The following LHFPL2 variants were observed in gnomAD, a reference collection of about 807,000 sequenced individuals.
LHFPL2 encodes LHFPL tetraspan subfamily member 2, also known as LHFPL tetraspan subfamily member 2 protein.
Under a neutral mutation model 17.5 loss-of-function variants are expected in LHFPL2, and 7 were observed. The ratio of observed to expected loss-of-function variants is 0.40; its 90% CI spans 0.23 to 0.75. The LOEUF is 0.75. Ranked by LOEUF, LHFPL2 falls within the 30% of genes least tolerant of loss-of-function variation. The pLI, the probability that LHFPL2 is intolerant of heterozygous loss-of-function variation, is 0.37. For missense variants in LHFPL2, 241 were observed against 294.8 expected (o/e 0.82, Z 1.34); for synonymous variants, 134 against 116.2 (o/e 1.15, Z -0.99).
intron 2 of LHFPL2, among the ~76,000 whole-genome samples, chr5:78,573,900 T>C (rs536263167): frequency 2.6e-4 from 40 of 152,342 alleles, no homozygotes; most frequent in African/African-American, 9.4e-4. Context: ...CTGTAATGTT[T>C]GAATTTTGTA....
At chr5:78,560,357 A>G (rs950844231) in intron 3 of LHFPL2, among the ~76,000 whole-genome samples, 2 of 152,258 alleles carry the variant, frequency 1.3e-5, no homozygotes, top group African/African-American at 4.8e-5. Context: ...CCTTGGCAAT[A>G]TATCTCCATA....
chr5:78,513,267 G>A (rs944363693), intron 3 of LHFPL2, among the ~76,000 whole-genome samples: 1 of 152,160 alleles, frequency 6.6e-6, no homozygotes, highest in Non-Finnish European at 1.5e-5. Flanking sequence ...GGACATCTGG[G>A]CTTAGCAAAA....
intron 3 of LHFPL2, among the ~76,000 whole-genome samples, chr5:78,559,364 G>A (rs1756663843): frequency 6.6e-6 from 1 of 152,138 alleles, no homozygotes; most frequent in South Asian, 2.1e-4. Context: ...ATTGCACTGG[G>A]CATCGAGGAT....
At chr5:78,628,137 A>T (rs1036138255) in intron 2 of LHFPL2, among the ~76,000 whole-genome samples, 3 of 152,104 alleles carry the variant, frequency 2.0e-5, no homozygotes, top group African/African-American at 7.2e-5. Context: ...ACCAGGAGAG[A>T]CGTGGACAGG....
At position 78,509,886 on chromosome 5, in the gene LHFPL2, T is replaced by C; in HGVS notation, c.328A>G (p.Ile110Val). The C allele has an allele frequency of 6.2e-7, 1 of 1,613,664 alleles. No homozygotes were observed. The highest frequency in any genetic ancestry group is 8.5e-7 in the Non-Finnish European group (1 of 1,180,024). Residue 110 changes from isoleucine to valine, a missense_variant, in exon 4 of 5, where the codon ATT becomes GTT. Physicochemically the swap from Ile to Val is conservative, Grantham distance 29. Coordinates refer to ENST00000380345, the MANE Select transcript of LHFPL2 (RefSeq NM_005779.3). ...TAIFLAVGIFILCMVALVSVF... is the reference protein window; with the variant it reads ...TAIFLAVGIFVLCMVALVSVF... Reference sequence around the variant, plus strand: ...GACACCAAGGCCACCATGCAGAGAATAAAGATTCCCACAGCCAGGAAAATA... The same window carrying C: ...GACACCAAGGCCACCATGCAGAGAACAAAGATTCCCACAGCCAGGAAAATA...
intron 4 of LHFPL2, among the ~76,000 whole-genome samples, chr5:78,505,021 C>T (rs185169759): frequency 2.2e-4 from 33 of 152,366 alleles, no homozygotes; most frequent in Non-Finnish European, 3.4e-4. Flanking sequence ...GGAATAGGCC[C>T]AGCCAGCACA....
At chr5:78,583,670 T>G (rs1186557218) in intron 2 of LHFPL2, among the ~76,000 whole-genome samples, 21 of 141,952 alleles carry the variant, frequency 1.5e-4, no homozygotes, top group East Asian at 1.1e-3. Flanking sequence ...TCTGATGGGC[T>G]TCCCTTTGAG....
chr5:78,489,598 A>G (rs1006979956), intron 4 of LHFPL2, among the ~76,000 whole-genome samples: 2 of 152,074 alleles, frequency 1.3e-5, no homozygotes, highest in Non-Finnish European at 2.9e-5. Context: ...AGGTCTTGCT[A>G]TGTTGCCCAG....
At chr5:78,525,716 A>C (rs1386035364) in intron 3 of LHFPL2, among the ~76,000 whole-genome samples, 4 of 152,244 alleles carry the variant, frequency 2.6e-5, no homozygotes, top group African/African-American at 9.6e-5. Context: ...AAAGAGGAAA[A>C]GGTAAAAGTG....
At chr5:78,504,269 G>C (rs1220797287) in intron 4 of LHFPL2, among the ~76,000 whole-genome samples, 1 of 152,154 alleles carries the variant, frequency 6.6e-6, no homozygotes, top group African/African-American at 2.4e-5. Context: ...AGGGTGTTCT[G>C]AAGGTGGGCA....
In LHFPL2 at chr5:78,488,886, T is replaced by C; in HGVS notation, c.*11A>G. On this transcript the variant is annotated 3_prime_UTR_variant, in exon 5 of 5. Coordinates refer to ENST00000380345, the MANE Select transcript of LHFPL2 (RefSeq NM_005779.3). ...TTACTCAAGGGAGAAAATGGCATTG[T>C]CTCTTCCAAACTAAAGGAGGCAGAT... 6 of 1,613,132 alleles carry C rather than the reference T, an allele frequency of 3.7e-6. No individual in the cohort carries two copies. Among genetic ancestry groups the C allele is most frequent in the Non-Finnish European group, 5.1e-6 (6 of 1,179,464 alleles).
At chr5:78,556,859 A>G (rs1756583712) in intron 3 of LHFPL2, among the ~76,000 whole-genome samples, 1 of 152,204 alleles carries the variant, frequency 6.6e-6, no homozygotes, top group Non-Finnish European at 1.5e-5. Flanking sequence ...GGTGACCCCT[A>G]AGGGAACTGA....
chr5:78,632,951 G>A (rs1241850357), intron 1 of LHFPL2, among the ~76,000 whole-genome samples: 1 of 152,156 alleles, frequency 6.6e-6, no homozygotes, highest in Non-Finnish European at 1.5e-5. Flanking sequence ...AGACGGGGGG[G>A]TCCTGGAAGC....
chr5:78,596,697 C>A (rs1264898144), intron 2 of LHFPL2, among the ~76,000 whole-genome samples: 2 of 152,132 alleles, frequency 1.3e-5, no homozygotes, highest in Non-Finnish European at 2.9e-5. Context: ...CGCCATGGTC[C>A]CAGAACCCAG....
intron 4 of LHFPL2, among the ~76,000 whole-genome samples, chr5:78,496,657 C>CATT (rs1754616943): frequency 6.6e-6 from 1 of 152,200 alleles, no homozygotes; most frequent in African/African-American, 2.4e-5. Flanking sequence ...GCTTAGACAG[C>CATT]ATTCCAGGCT....
At chr5:78,610,564 T>C (rs1744385879) in intron 2 of LHFPL2, among the ~76,000 whole-genome samples, 1 of 152,092 alleles carries the variant, frequency 6.6e-6, no homozygotes. Flanking sequence ...AAGGCCCTCT[T>C]CATGGGCTTC....
At chr5:78,645,373 T>C (rs2112533779) in intron 1 of LHFPL2, among the ~76,000 whole-genome samples, 1 of 151,898 alleles carries the variant, frequency 6.6e-6, no homozygotes, top group Non-Finnish European at 1.5e-5. Context: ...ATTTGCTGAA[T>C]GACTGGATAA....
At chr5:78,548,188 GTT>G (rs1756341529) in intron 3 of LHFPL2, among the ~76,000 whole-genome samples, 1 of 152,256 alleles carries the variant, frequency 6.6e-6, no homozygotes, top group African/African-American at 2.4e-5. Flanking sequence ...GGCTCTGAGT[GTT>G]TTAAGGCCTG....
chr5:78,552,069 G>A (rs1756458130), intron 3 of LHFPL2, among the ~76,000 whole-genome samples: 3 of 151,876 alleles, frequency 2.0e-5, no homozygotes, highest in South Asian at 4.2e-4. Flanking sequence ...GAAGGCACTC[G>A]TGTATACGTG....
Sources: allele counts gnomAD v4.1 joint callset (sites outside exome capture counted in the v4.1 genomes callset), GRCh38; gene constraint gnomAD v4.1.1; transcripts MANE v1.5; gene names NCBI Gene and HGNC (gene_info 2026-07-23, HGNC 2026-07-21).